Variants in TWNK observed in about 807,000 individuals in gnomAD.
The protein encoded by TWNK is twinkle mtDNA helicase.
In TWNK, 36 loss-of-function variants were observed where a neutral mutation model predicts 58.2. That is an observed-to-expected ratio of 0.62 (90% CI 0.47 to 0.82). TWNK has a LOEUF of 0.82. Among genes scored for constraint, TWNK ranks in the 40% least tolerant of loss-of-function variants. The probability of loss-of-function intolerance (pLI) is 0.00; values close to 1 mark genes in which losing one functional copy is unlikely to be tolerated. For synonymous variants in TWNK, 349 were observed against 348.5 expected, an observed-to-expected ratio of 1.00 and a Z score of -0.02; for missense variants, 714 against 881.0, an observed-to-expected ratio of 0.81 and a Z score of 2.40.
chr10:100,989,255 G>A lies in TWNK; in HGVS notation c.1045G>A (p.Gly349Ser), dbSNP rs759115170. 1 of 1,614,164 alleles carries A rather than the reference G, an allele frequency of 6.2e-7. No homozygotes were observed. Among genetic ancestry groups the A allele is most frequent in the Non-Finnish European group, 8.5e-7 (1 of 1,180,044 alleles). Residue 349 changes from glycine (G) to serine (S), a missense_variant, in exon 1 of 5, where the codon GGC (glycine) becomes AGC (serine). Coordinates refer to ENST00000311916, the MANE Select transcript of TWNK (RefSeq NM_021830.5). This position sits in a 1 kb window ranked among gnomAD's most constrained non-coding sequence, Gnocchi z 7.6. The stretch of plus-strand genomic sequence containing the variant: ...CCGTCCCCTGGAGGCCCTGAACGGA[G>A]GCTTCAATCTTTCTCGTATTCTTCG... ...QPRPLEALNGGFNLSRILRTA... is the reference protein window; with the variant it reads ...QPRPLEALNGSFNLSRILRTA...
At position 100,989,273 on chromosome 10, in the gene TWNK, A is replaced by G. The variant is rs1035029923; in HGVS notation, c.1063A>G (p.Ile355Val). The G allele has an allele frequency of 1.2e-6, 2 of 1,614,120 alleles. No homozygotes were observed. The highest frequency in any genetic ancestry group is 1.7e-6 in the Non-Finnish European group (2 of 1,180,030). ...ALNGGFNLSR[I>V]LRTALPAWHK... Reference sequence around the variant, plus strand: ...GAACGGAGGCTTCAATCTTTCTCGTATTCTTCGTACCGCCCTGCCTGCCTG... The same window carrying G: ...GAACGGAGGCTTCAATCTTTCTCGTGTTCTTCGTACCGCCCTGCCTGCCTG... Residue 355 changes from isoleucine to valine, a missense_variant, in exon 1 of 5, where the codon ATT (isoleucine) becomes GTT (valine). Physicochemically the swap from Ile to Val is conservative, Grantham distance 29. This residue lies in a region of TWNK where 302 missense variants were observed against 438.6 expected (regional missense o/e 0.69). Coordinates refer to ENST00000311916, the MANE Select transcript of TWNK (RefSeq NM_021830.5). This position sits in a 1 kb window ranked among gnomAD's most constrained non-coding sequence, Gnocchi z 7.6.
At position 100,993,497 on chromosome 10, in the gene TWNK, A is replaced by G. The variant is rs1409392835; in HGVS notation, c.2042A>G (p.Lys681Arg). Residue 681 changes from lysine (K) to arginine (R), a missense_variant, in exon 5 of 5, where the codon AAG becomes AGG. Lys to Arg is a conservative substitution (Grantham distance 26). Coordinates refer to ENST00000311916, the MANE Select transcript of TWNK (RefSeq NM_021830.5). ...APTPDQPDTS[K>R]RSK ...ACTCCCGACCAGCCAGACACCTCCA[A>G]GCGTTCAAAGTGAAGGCCGTGCAGA... is the stretch of plus-strand genomic sequence containing the variant. 2 of 1,614,006 alleles carry G rather than the reference A, an allele frequency of 1.2e-6. No individual in the cohort carries two copies. The highest frequency in any genetic ancestry group is 2.2e-5 in the East Asian group (1 of 44,890).
rs1851714274 is a variant in TWNK at position 100,989,704 on chromosome 10, A to G, written c.1304A>G (p.Gln435Arg). 6.2e-7 allele frequency: 1 copy of G among 1,613,986 alleles called. No individual in the cohort carries two copies. The highest frequency in any genetic ancestry group is 2.2e-5 in the East Asian group (1 of 44,900). The change falls in exon 2 of 5, where the codon CAG becomes CGG. Residue 435 changes from glutamine to arginine, a missense_variant. This residue lies in a region of TWNK where 302 missense variants were observed against 438.6 expected (regional missense o/e 0.69). Coordinates refer to ENST00000311916, the MANE Select transcript of TWNK (RefSeq NM_021830.5). The surrounding 1 kb of genome is among the most constrained non-coding windows in gnomAD (Gnocchi z 7.6). Reference sequence around the variant, plus strand: ...GAGTATGCCCTGGATTTGTGTTCCCAGGGGGTGAACACACTGTGGGGTAGC... The same window carrying G: ...GAGTATGCCCTGGATTTGTGTTCCCGGGGGGTGAACACACTGTGGGGTAGC... ...ISEYALDLCS[Q>R]GVNTLWGSFE...
rs1564808575 is a variant in TWNK, at chr10:100,989,234, C to T, written c.1024C>T (p.Pro342Ser). 1.2e-6 allele frequency: 2 copies of T among 1,614,094 alleles called. No individual in the cohort carries two copies. The highest frequency in any genetic ancestry group is 2.7e-5 in the African/African-American group (2 of 74,938). Residue 342 changes from proline to serine, a missense_variant, in exon 1 of 5, where the codon CCC becomes TCC. Transcript: ENST00000311916. The surrounding 1 kb of genome is among the most constrained non-coding windows in gnomAD (Gnocchi z 7.6). ...GCGACCAGGAGACCAGCAACCCCGT[C>T]CCCTGGAGGCCCTGAACGGAGGCTT... ...LVRPGDQQPR[P>S]LEALNGGFNL...
intron 2 of TWNK, among the ~76,000 whole-genome samples, 200 bp from the exon 3 acceptor site, chr10:100,990,236 C>G (rs980830198): frequency 3.7e-4 from 56 of 152,188 alleles, no homozygotes; most frequent in Non-Finnish European, 7.6e-4. Flanking sequence ...TCGCTTGAGC[C>G]TAGTAGGTTG....
rs1440229445 is a variant in TWNK, at chr10:100,989,393, T to C, written c.1183T>C (p.Phe395Leu). 10 of 1,614,060 alleles carry C rather than the reference T, an allele frequency of 6.2e-6. No homozygotes were observed. The South Asian group carries it at 9.9e-5, about 16-fold the overall frequency. ...EQAAGLRWSR[F>L]PDLNRILKGH... is the part of the protein sequence containing the mutation. ...AGCAGCTGGCCTCCGCTGGAGCCGC[T>C]TTCCAGACCTCAATCGTATCTTGAA... Residue 395 changes from phenylalanine (F) to leucine (L), a missense_variant, in exon 1 of 5, where the codon TTT becomes CTT. By Grantham distance (22) the Phe-to-Leu change is conservative. This residue lies in a region of TWNK where 302 missense variants were observed against 438.6 expected (regional missense o/e 0.69). Transcript: ENST00000311916. This position sits in a 1 kb window ranked among gnomAD's most constrained non-coding sequence, Gnocchi z 7.6.
Position 100,993,646 on chromosome 10 carries a change from T to G in TWNK, c.*136T>G, listed in dbSNP as rs1851848352. ...TGAGGGGCCTAACCTAGAGCAGGTT[T>G]CCATAGTGAGAAAATTCAATGTAGC... On this transcript the variant is annotated 3_prime_UTR_variant, in exon 5 of 5. Transcript: ENST00000311916. The G allele has an allele frequency of 3.1e-5, 30 of 970,074 alleles. 1 individual carries two copies. In the South Asian group the frequency reaches 4.1e-4, roughly 13 times the overall value. The allele number at this position is 970,074 out of a possible 1,614,324, so 60.1% of individuals were successfully genotyped here.
At position 100,992,988 on chromosome 10, in the gene TWNK, G is replaced by A. The variant is rs4919511; in HGVS notation, c.1735-202G>A. Among the ~76,000 whole-genome samples, 41,777 of 151,868 alleles carry A rather than the reference G, an allele frequency of 0.28. 6,591 individuals carry two copies. The highest frequency in any genetic ancestry group is 0.54 in the East Asian group (2,802 of 5,146). On this transcript the variant is annotated intron_variant, in intron 4 of 4. Coordinates refer to ENST00000311916, the MANE Select transcript of TWNK (RefSeq NM_021830.5). ...TTTTTAGTAGAGATGGGGTTTCACCGTGTTAGCCAGGATGGTCTTGATTTC... is the reference window on the plus strand; with the variant it reads ...TTTTTAGTAGAGATGGGGTTTCACCATGTTAGCCAGGATGGTCTTGATTTC...
At chr10:100,991,876 C>G (rs1053805823) in intron 4 of TWNK, among the ~76,000 whole-genome samples, 1 of 150,550 alleles carries the variant, frequency 6.6e-6, no homozygotes, top group African/African-American at 2.4e-5. Context: ...AAAAATTAGC[C>G]GGGCGTGGTG....
chr10:100,994,031 C>A lies in TWNK; in HGVS notation c.*521C>A. The stretch of plus-strand genomic sequence containing the variant: ...GAGGTAGGAATGAGCAGGTCAGATT[C>A]AAGGCAGTGAGGTCAGGCCGCATGA... On this transcript the variant is annotated 3_prime_UTR_variant, in exon 5 of 5. Transcript: ENST00000311916. 5.9e-6 allele frequency: 1 copy of A among 170,734 alleles called. No individual in the cohort carries two copies. The highest frequency in any genetic ancestry group is 5.5e-5 in the Admixed American group (1 of 18,110). 10.6% of individuals were successfully genotyped at this position (170,734 alleles called of 1,614,324 possible). A position where few individuals can be genotyped will look rare whatever the true frequency, so the allele number is the denominator to read the frequency against.
At position 100,987,589 on chromosome 10, in the gene TWNK, C is replaced by T. The variant is rs993449080; in HGVS notation, c.-622C>T. 4.8e-6 allele frequency: 6 copies of T among 1,249,132 alleles called. No individual in the cohort carries two copies. Among genetic ancestry groups the T allele is most frequent in the Non-Finnish European group, 6.5e-6 (6 of 926,598 alleles). 77.4% of individuals were successfully genotyped at this position (1,249,132 alleles called of 1,614,324 possible). A position where few individuals can be genotyped will look rare whatever the true frequency, so the allele number is the denominator to read the frequency against. ...AGCATGTGCGGGAGACTCACGTTGCCGGCGAAGTGGGAGAGAGAAAAGTGG... is the reference window on the plus strand; with the variant it reads ...AGCATGTGCGGGAGACTCACGTTGCTGGCGAAGTGGGAGAGAGAAAAGTGG... On this transcript the variant is annotated 5_prime_UTR_variant, in exon 1 of 5. Transcript: ENST00000311916.
In TWNK at chr10:100,988,495, T is replaced by A. The variant is rs1055373803; in HGVS notation, c.285T>A (p.Gly95=). The change falls in exon 1 of 5, where the codon GGT becomes GGA. Residue 95 remains glycine (G), a synonymous_variant. Coordinates refer to ENST00000311916, the MANE Select transcript of TWNK (RefSeq NM_021830.5). The surrounding 1 kb of genome is among the most constrained non-coding windows in gnomAD (Gnocchi z 5.2). ...CTTCACAGCTCAAAGGCCAGACTGGTGTTACCACTTCCTTCAGCCTCTTCA... is the reference window on the plus strand; with the variant it reads ...CTTCACAGCTCAAAGGCCAGACTGGAGTTACCACTTCCTTCAGCCTCTTCA... ...AESSQLKGQT[G]VTTSFSLFID... 1.9e-6 allele frequency: 3 copies of A among 1,614,082 alleles called. No individual in the cohort carries two copies. Among genetic ancestry groups the A allele is most frequent in the African/African-American group, 2.7e-5 (2 of 74,940 alleles).
Position 100,990,536 on chromosome 10 carries a change from A to G in TWNK, c.1585A>G (p.Thr529Ala). The G allele has an allele frequency of 6.2e-7, 1 of 1,614,176 alleles. No homozygotes were observed. The highest frequency in any genetic ancestry group is 2.2e-5 in the East Asian group (1 of 44,886). Residue 529 changes from threonine to alanine, a missense_variant, in exon 3 of 5, where the codon ACA (threonine) becomes GCA (alanine). Thr to Ala is a moderately conservative substitution (Grantham distance 58). Coordinates refer to ENST00000311916, the MANE Select transcript of TWNK (RefSeq NM_021830.5). Reference sequence around the variant, plus strand: ...CATGATGGGTCACGAGCAGCTGTCCACAGACAGGTGACGGTGACATCCTCT... The same window carrying G: ...CATGATGGGTCACGAGCAGCTGTCCGCAGACAGGTGACGGTGACATCCTCT... ...QFMMGHEQLS[T>A]DRIAAQDYII... is the part of the protein sequence containing the mutation.
Position 100,987,568 on chromosome 10 carries a change from T to A in TWNK, c.-643T>A. The A allele has an allele frequency of 1.4e-6, 2 of 1,384,914 alleles. No individual in the cohort carries two copies. Among genetic ancestry groups the A allele is most frequent in the Non-Finnish European group, 9.6e-7 (1 of 1,043,718 alleles). 85.8% of individuals were successfully genotyped at this position (1,384,914 alleles called of 1,614,324 possible). ...GCTTCCGAGGTCAAGGCGAGTAGCA[T>A]GTGCGGGAGACTCACGTTGCCGGCG... On this transcript the variant is annotated 5_prime_UTR_variant, in exon 1 of 5. It removes an upstream start codon present in the reference 5' UTR. Coordinates refer to ENST00000311916, the MANE Select transcript of TWNK (RefSeq NM_021830.5).
intron 3 of TWNK, 82 bp downstream of exon 3, chr10:100,990,625 A>G (rs1851743153): frequency 6.2e-7 from 1 of 1,610,984 alleles, no homozygotes; most frequent in Admixed American, 1.7e-5. Context: ...GCCTCTAGGC[A>G]CACATGCTGT....
Position 100,989,243 on chromosome 10 carries a change from G to C in TWNK, c.1033G>C (p.Ala345Pro). The C allele has an allele frequency of 6.2e-7, 1 of 1,614,196 alleles. No individual in the cohort carries two copies. Among genetic ancestry groups the C allele is most frequent in the Non-Finnish European group, 8.5e-7 (1 of 1,180,042 alleles). The change falls in exon 1 of 5, where the codon GCC (alanine) becomes CCC (proline). Residue 345 changes from alanine to proline, a missense_variant. Coordinates refer to ENST00000311916, the MANE Select transcript of TWNK (RefSeq NM_021830.5). This position sits in a 1 kb window ranked among gnomAD's most constrained non-coding sequence, Gnocchi z 7.6. Reference protein sequence around the residue: ...PGDQQPRPLEALNGGFNLSRI... With the variant: ...PGDQQPRPLEPLNGGFNLSRI... ...AGACCAGCAACCCCGTCCCCTGGAG[G>C]CCCTGAACGGAGGCTTCAATCTTTC... is the stretch of plus-strand genomic sequence containing the variant.
In TWNK at chr10:100,994,161, G is replaced by T. The variant is rs1187314431; in HGVS notation, c.*651G>T. The T allele has an allele frequency of 6.5e-6, 1 of 154,172 alleles. No homozygotes were observed. Among genetic ancestry groups the T allele is most frequent in the Non-Finnish European group, 1.4e-5 (1 of 69,370 alleles). The allele number at this position is 154,172 out of a possible 1,614,324, so 9.6% of individuals were successfully genotyped here. ...GCTCCTCTGCTCCCCACTTTGTAGAGCCTAGCATGAGGTGGCATGTACTAG... is the reference window on the plus strand; with the variant it reads ...GCTCCTCTGCTCCCCACTTTGTAGATCCTAGCATGAGGTGGCATGTACTAG... On this transcript the variant is annotated 3_prime_UTR_variant, in exon 5 of 5. Transcript: ENST00000311916.
rs555721169 is a variant in TWNK, at chr10:100,993,143, C to G, written c.1735-47C>G. On this transcript the variant is annotated intron_variant, in intron 4 of 4. Transcript: ENST00000311916. ...TGTCAGCCCCCCTTTCTGCTTTGCT[C>G]ATGTCCTCTTACTCCTGCTTTCCTC... 3.8e-6 allele frequency: 6 copies of G among 1,599,170 alleles called. No individual in the cohort carries two copies. In the South Asian group the frequency reaches 6.6e-5, roughly 18 times the overall value.
In TWNK at chr10:100,993,736, AAG is replaced by A. The variant is rs1300068669; in HGVS notation, c.*232_*233del. The A allele has an allele frequency of 1.4e-5, 8 of 575,504 alleles. No individual in the cohort carries two copies. Among genetic ancestry groups the A allele is most frequent in the East Asian group, 8.6e-5 (3 of 34,850 alleles). 35.6% of individuals were successfully genotyped at this position (575,504 alleles called of 1,614,324 possible). A position where few individuals can be genotyped will look rare whatever the true frequency, so the allele number is the denominator to read the frequency against. On this transcript the variant is annotated 3_prime_UTR_variant, in exon 5 of 5. Coordinates refer to ENST00000311916, the MANE Select transcript of TWNK (RefSeq NM_021830.5). ...GAGGTCCTGTATATACAGCACTGAA[AAG>A]AGAGATAAAGTCCCTGCCTGCATGC...
Sources: allele counts gnomAD v4.1 joint callset (sites outside exome capture counted in the v4.1 genomes callset), GRCh38; gene constraint gnomAD v4.1.1; regional missense constraint gnomAD v4.1.1; non-coding constraint Gnocchi (gnomAD v3.1); transcripts MANE v1.5; gene names NCBI Gene and HGNC (gene_info 2026-07-23, HGNC 2026-07-21).